NRXN3: variants seen among roughly 807,000 people sequenced by gnomAD.
NRXN3 encodes the protein neurexin III.
Under a neutral mutation model 137.6 loss-of-function variants are expected in NRXN3, and 32 were observed. The ratio of observed to expected loss-of-function variants is 0.23; its 90% CI spans 0.18 to 0.31. The LOEUF is 0.31. NRXN3 is among the 10% of genes least tolerant of loss of function. NRXN3 has a pLI of 1.00. For missense variants in NRXN3, 1,574 were observed against 2,062.5 expected, an observed-to-expected ratio of 0.76 and a Z score of 4.59; for synonymous variants, 798 against 784.5, an observed-to-expected ratio of 1.02 and a Z score of -0.29.
chr14:78,947,265 G>A (rs2099367362), intron 10 of NRXN3, among the ~76,000 whole-genome samples: 1 of 152,192 alleles, frequency 6.6e-6, no homozygotes, highest in Non-Finnish European at 1.5e-5. Flanking sequence ...CCATGCCAAA[G>A]AGGCTGCAAA....
intron 10 of NRXN3, among the ~76,000 whole-genome samples, chr14:78,848,657 A>G (rs1286629548): frequency 6.6e-6 from 1 of 152,182 alleles, no homozygotes; most frequent in Non-Finnish European, 1.5e-5. Context: ...GAAATTGTTC[A>G]ACACTTCTTA....
At chr14:78,896,778 G>A (rs997488402) in intron 10 of NRXN3, among the ~76,000 whole-genome samples, 1 of 151,850 alleles carries the variant, frequency 6.6e-6, no homozygotes, top group Non-Finnish European at 1.5e-5. Flanking sequence ...AACATTATGG[G>A]CAGAGCAAAC....
chr14:78,982,507 T>A (rs1598198468), intron 14 of NRXN3, among the ~76,000 whole-genome samples: 1 of 101,548 alleles, frequency 9.8e-6, no homozygotes, highest in African/African-American at 8.8e-5. Context: ...GGTTAACTGA[T>A]TTTTTTTTTA....
intron 15 of NRXN3, among the ~76,000 whole-genome samples, chr14:79,348,714 C>T (rs1274388059): frequency 6.6e-6 from 1 of 152,090 alleles, no homozygotes; most frequent in Non-Finnish European, 1.5e-5. Flanking sequence ...AGGGCAGTCG[C>T]CACAATATGG....
chr14:79,696,567 A>G (rs1307084790), intron 18 of NRXN3, among the ~76,000 whole-genome samples: 1 of 151,972 alleles, frequency 6.6e-6, no homozygotes, highest in African/African-American at 2.4e-5. Flanking sequence ...TAAATTTTAA[A>G]AAGCTCTTAC....
At chr14:79,618,160 A>C (rs1421591673) in intron 16 of NRXN3, among the ~76,000 whole-genome samples, 2 of 151,898 alleles carry the variant, frequency 1.3e-5, no homozygotes, top group Non-Finnish European at 2.9e-5. Context: ...TGACCATAAG[A>C]CTCATTATTT....
intron 10 of NRXN3, among the ~76,000 whole-genome samples, chr14:78,946,301 T>C (rs995365448): frequency 2.0e-5 from 3 of 152,214 alleles, no homozygotes; most frequent in Admixed American, 6.5e-5. Flanking sequence ...GGTCTTGGTC[T>C]ATGCCTTATG....
chr14:79,233,388 A>C (rs576206346), intron 15 of NRXN3, among the ~76,000 whole-genome samples: 2 of 152,046 alleles, frequency 1.3e-5, no homozygotes, highest in South Asian at 2.1e-4. Flanking sequence ...ATTCACATGC[A>C]CTCCAGTACA....
At chr14:78,747,002 C>T (rs1437941349) in intron 8 of NRXN3, among the ~76,000 whole-genome samples, 1 of 152,126 alleles carries the variant, frequency 6.6e-6, no homozygotes, top group African/African-American at 2.4e-5. Flanking sequence ...CTAGTTATGC[C>T]TCCACTTGGG....
At chr14:78,997,167 C>T (rs1174391225) in intron 15 of NRXN3, among the ~76,000 whole-genome samples, 2 of 152,166 alleles carry the variant, frequency 1.3e-5, no homozygotes, top group Non-Finnish European at 2.9e-5. Flanking sequence ...ATAGGTGACA[C>T]ATTGGTTTCT....
chr14:78,669,448 C>T (rs886629351), intron 6 of NRXN3, among the ~76,000 whole-genome samples: 25 of 152,220 alleles, frequency 1.6e-4, no homozygotes, highest in Admixed American at 1.1e-3. Flanking sequence ...GCAGCCCTGA[C>T]GGCTGCTGGT....
intron 4 of NRXN3, among the ~76,000 whole-genome samples, chr14:78,626,435 G>T (rs184925234): frequency 6.6e-6 from 1 of 151,988 alleles, no homozygotes; most frequent in Non-Finnish European, 1.5e-5. Flanking sequence ...GGCATCAATC[G>T]TTATTATTTT....
intron 15 of NRXN3, among the ~76,000 whole-genome samples, chr14:79,202,067 G>A (rs1021093628): frequency 1.3e-5 from 2 of 150,356 alleles, no homozygotes; most frequent in African/African-American, 5.0e-5. Flanking sequence ...AATGAGGTGT[G>A]TGTTATCTTT....
intron 10 of NRXN3, among the ~76,000 whole-genome samples, chr14:78,912,729 A>G (rs1310672240): frequency 2.6e-5 from 4 of 152,168 alleles, no homozygotes; most frequent in Admixed American, 2.0e-4. Flanking sequence ...CATTCAAAGT[A>G]AGATTATCTG....
intron 4 of NRXN3, among the ~76,000 whole-genome samples, chr14:78,307,673 G>C (rs1240392918): frequency 6.6e-6 from 1 of 152,116 alleles, no homozygotes; most frequent in Admixed American, 6.6e-5. Flanking sequence ...AAGACCATAT[G>C]CTTTGTAAAA....
At chr14:78,399,301 G>C (rs886928724) in intron 4 of NRXN3, among the ~76,000 whole-genome samples, 1 of 152,014 alleles carries the variant, frequency 6.6e-6, no homozygotes, top group South Asian at 2.1e-4. Flanking sequence ...TCTTATGTTT[G>C]TTTTATATAT....
intron 15 of NRXN3, among the ~76,000 whole-genome samples, chr14:79,247,886 A>T (rs1483833314): frequency 6.6e-6 from 1 of 150,846 alleles, no homozygotes; most frequent in Admixed American, 6.6e-5. Context: ...ACTGGCCTTC[A>T]TAAAAAAATT....
chr14:78,398,488 G>C (rs2091736001), intron 4 of NRXN3, among the ~76,000 whole-genome samples: 2 of 152,068 alleles, frequency 1.3e-5, no homozygotes, highest in African/African-American at 4.8e-5. Flanking sequence ...AAAAGTCTAG[G>C]TTCTCTACTT....
intron 15 of NRXN3, among the ~76,000 whole-genome samples, chr14:79,039,992 T>C (rs10151590): frequency 0.43 from 65,901 of 152,074 alleles, 15,715 homozygotes; most frequent in African/African-American, 0.62. Flanking sequence ...GCCTGAGCCA[T>C]CTTTTCATTA....
Sources: gnomAD v4.1 joint callset for allele counts (sites outside exome capture counted in the v4.1 genomes callset) on GRCh38, gnomAD v4.1.1 for gene constraint, MANE v1.5 for transcripts, NCBI Gene and HGNC (gene_info 2026-07-23, HGNC 2026-07-21) for gene names.